Variants in RBFOX1 observed in about 807,000 individuals in gnomAD.
RBFOX1 encodes RNA binding protein fox-1 homolog 1.
Under a neutral mutation model 57.7 loss-of-function variants are expected in RBFOX1, and 8 were observed. The ratio of observed to expected loss-of-function variants is 0.14; its 90% CI spans 0.08 to 0.25. The LOEUF (loss-of-function observed/expected upper bound fraction) is 0.25, where lower values mean the gene tolerates loss of function less well. Among genes scored for constraint, RBFOX1 ranks in the 10% least tolerant of loss-of-function variants. RBFOX1 has a pLI of 1.00. For missense variants in RBFOX1, 611 were observed against 548.5 expected (o/e 1.11, Z -1.14); for synonymous variants, 326 against 222.4 (o/e 1.47, Z -4.15).
intron 3 of RBFOX1, among the ~76,000 whole-genome samples, chr16:5,667,551 C>T (rs1423743012): frequency 6.6e-6 from 1 of 152,154 alleles, no homozygotes; most frequent in African/African-American, 2.4e-5. Flanking sequence ...TAAAAATATT[C>T]TTGATTTCCT....
intron 4 of RBFOX1, among the ~76,000 whole-genome samples, chr16:7,401,474 T>C (rs2098242108): frequency 6.6e-6 from 1 of 152,162 alleles, no homozygotes; most frequent in African/African-American, 2.4e-5. Flanking sequence ...GATGGCTAAA[T>C]ATGTTGATAG....
intron 4 of RBFOX1, among the ~76,000 whole-genome samples, chr16:7,074,757 A>G (rs779316434): frequency 2.0e-5 from 3 of 152,230 alleles, no homozygotes; most frequent in Admixed American, 6.5e-5. Flanking sequence ...ATAAGAAAAA[A>G]TTATACCTGA....
intron 3 of RBFOX1, among the ~76,000 whole-genome samples, chr16:6,838,204 G>T (rs1051984143): frequency 6.6e-6 from 1 of 151,818 alleles, no homozygotes; most frequent in African/African-American, 2.4e-5. Flanking sequence ...ACAGGCCCCA[G>T]TGTGTATTGT....
rs374230438 is a variant in RBFOX1 at position 5,468,490 on chromosome 16, T to C, written c.258+1236T>C. Among the ~76,000 whole-genome samples, 442 of 152,312 alleles carry C rather than the reference T, an allele frequency of 2.9e-3. 9 individuals are homozygous for C. The South Asian group carries it at 0.047, about 16-fold the overall frequency. ...GGCTTCTTTTACCAAGAAAACAGTT[T>C]GGCAGTTCCTCCAAAAGTTAAACAT... On this transcript the variant is annotated intron_variant, in intron 2 of 2. Coordinates refer to the RBFOX1 transcript ENST00000585867.
At chr16:7,465,559 C>G (rs746970502) in intron 4 of RBFOX1, among the ~76,000 whole-genome samples, 14 of 152,206 alleles carry the variant, frequency 9.2e-5, no homozygotes, top group Non-Finnish European at 1.8e-4. Flanking sequence ...TGTGTCATTT[C>G]AGGAAAATAA....
chr16:6,765,768 A>G (rs1456558279), intron 3 of RBFOX1, among the ~76,000 whole-genome samples: 3 of 152,198 alleles, frequency 2.0e-5, no homozygotes, highest in Non-Finnish European at 2.9e-5. Context: ...GATAAGGAAA[A>G]TATGGTATAT....
At chr16:6,992,302 C>T (rs972218814) in intron 3 of RBFOX1, among the ~76,000 whole-genome samples, 1 of 152,072 alleles carries the variant, frequency 6.6e-6, no homozygotes, top group African/African-American at 2.4e-5. Flanking sequence ...ATTGCAGCCT[C>T]TGCCTCCCAG....
intron 1 of RBFOX1, among the ~76,000 whole-genome samples, chr16:6,265,550 C>T (rs1194167873): frequency 6.6e-6 from 1 of 152,190 alleles, no homozygotes; most frequent in Admixed American, 6.6e-5. Context: ...GTATGAGCCA[C>T]TGTGCCCGGC....
At chr16:6,592,761 G>A (rs374643441) in intron 2 of RBFOX1, among the ~76,000 whole-genome samples, 4 of 152,266 alleles carry the variant, frequency 2.6e-5, no homozygotes, top group African/African-American at 9.6e-5. Flanking sequence ...CCTGGTAGAT[G>A]AAATAGAGGT....
chr16:6,200,152 T>C (rs991299394), intron 1 of RBFOX1, among the ~76,000 whole-genome samples: 1 of 152,158 alleles, frequency 6.6e-6, no homozygotes, highest in African/African-American at 2.4e-5. Flanking sequence ...ACCTTGATTC[T>C]GAAAGACAGT....
chr16:5,367,072 T>A (rs1454006848), intron 1 of RBFOX1, among the ~76,000 whole-genome samples: 2 of 152,202 alleles, frequency 1.3e-5, no homozygotes, highest in African/African-American at 4.8e-5. Context: ...TCTCAATTTT[T>A]AAAATTTATT....
At chr16:6,514,953 T>A (rs545596113) in intron 2 of RBFOX1, among the ~76,000 whole-genome samples, 1 of 149,382 alleles carries the variant, frequency 6.7e-6, no homozygotes, top group South Asian at 2.1e-4. Context: ...AGAGAAGGAG[T>A]TGGAGAATGA....
intron 4 of RBFOX1, among the ~76,000 whole-genome samples, chr16:7,156,043 A>G (rs1404667382): frequency 1.3e-5 from 2 of 151,904 alleles, no homozygotes; most frequent in Admixed American, 6.6e-5. Context: ...ACACAGGTAT[A>G]TAGGTATACA....
chr16:6,729,134 A>G (rs1461985176), intron 3 of RBFOX1, among the ~76,000 whole-genome samples: 1 of 152,126 alleles, frequency 6.6e-6, no homozygotes, highest in Non-Finnish European at 1.5e-5. Flanking sequence ...TTTGTTCTTT[A>G]TATGATTTTG....
chr16:5,422,467 G>GA (rs2067366318), intron 1 of RBFOX1, among the ~76,000 whole-genome samples: 1 of 130,844 alleles, frequency 7.6e-6, no homozygotes, highest in Non-Finnish European at 1.6e-5. Flanking sequence ...GGAGAGGGAG[G>GA]GGGAAGAAAG....
At chr16:6,981,679 T>G (rs1437571786) in intron 3 of RBFOX1, among the ~76,000 whole-genome samples, 1 of 152,112 alleles carries the variant, frequency 6.6e-6, no homozygotes, top group Non-Finnish European at 1.5e-5. Context: ...GGAACTCCCT[T>G]TTATAAAACC....
At chr16:6,990,154 A>C (rs1161243495) in intron 3 of RBFOX1, among the ~76,000 whole-genome samples, 1 of 152,194 alleles carries the variant, frequency 6.6e-6, no homozygotes, top group Non-Finnish European at 1.5e-5. Context: ...CACAGTAGGG[A>C]TTCAGTAAGT....
intron 4 of RBFOX1, among the ~76,000 whole-genome samples, chr16:7,188,545 A>C (rs78638906): frequency 0.03 from 4,565 of 152,236 alleles, 213 homozygotes; most frequent in African/African-American, 0.1. Context: ...TTTTCTCCCC[A>C]TCACCCACCT....
intron 3 of RBFOX1, among the ~76,000 whole-genome samples, chr16:5,636,524 G>C (rs1596535608): frequency 6.8e-6 from 1 of 146,562 alleles, no homozygotes; most frequent in African/African-American, 2.4e-5. Context: ...CTGGGTCATG[G>C]AGATGGCCAG....
Sources: allele counts gnomAD v4.1 joint callset (sites outside exome capture counted in the v4.1 genomes callset), GRCh38; gene constraint gnomAD v4.1.1; transcripts MANE v1.5; gene names NCBI Gene and HGNC (gene_info 2026-07-23, HGNC 2026-07-21).